Variants in STX3 observed in about 807,000 individuals in gnomAD.
STX3 encodes syntaxin-3.
In STX3, 19 loss-of-function variants were observed where a neutral mutation model predicts 40.2. That is an observed-to-expected ratio of 0.47 (90% confidence interval 0.33 to 0.69). The LOEUF is 0.69. Among genes scored for constraint, STX3 ranks in the 30% least tolerant of loss-of-function variants. The pLI, the probability that STX3 is intolerant of heterozygous loss-of-function variation, is 0.02. For synonymous variants in STX3, 122 were observed against 132.2 expected (o/e 0.92, Z 0.53); for missense variants, 364 against 366.7 (o/e 0.99, Z 0.06).
At chr11:59,780,650 T>C (rs1486249827) in intron 2 of STX3, among the ~76,000 whole-genome samples, 1 of 152,166 alleles carries the variant, frequency 6.6e-6, no homozygotes, top group Non-Finnish European at 1.5e-5. Context: ...AACTCCACCA[T>C]GGTCTGGTCC....
At chr11:59,782,570 T>C (rs1864464281) in intron 2 of STX3, among the ~76,000 whole-genome samples, 2 of 152,182 alleles carry the variant, frequency 1.3e-5, no homozygotes, top group Admixed American at 6.5e-5. Flanking sequence ...TTAGGGACAC[T>C]TACAGGGTGC....
chr11:59,771,300 C>T (rs113586582), intron 1 of STX3, among the ~76,000 whole-genome samples: 13,593 of 148,776 alleles, frequency 0.091, 786 homozygotes, highest in African/African-American at 0.16. Flanking sequence ...ATCACTTAGG[C>T]CCAGGAGGTT....
chr11:59,777,077 C>T (rs60094706), intron 2 of STX3, among the ~76,000 whole-genome samples: 15,792 of 152,178 alleles, frequency 0.1, 1,148 homozygotes, highest in African/African-American at 0.2. Context: ...ACAGGATTCT[C>T]GCCCCCTGTT....
At chr11:59,782,630 G>A (rs987803689) in intron 2 of STX3, among the ~76,000 whole-genome samples, 3 of 152,062 alleles carry the variant, frequency 2.0e-5, no homozygotes, top group Admixed American at 1.3e-4. Flanking sequence ...ACTGGAACCT[G>A]GTCTGTTTGA....
rs995875794 is a variant in STX3, at chr11:59,801,615, G to A, written c.*791G>A. ...ATTGTTAGAAAGTGATGCTTTGTGA[G>A]ACTATTGTCTTGGGGCCAAAAATAA... On this transcript the variant is annotated 3_prime_UTR_variant, in exon 11 of 11. Transcript: ENST00000337979. 3 of 985,436 alleles carry A rather than the reference G, an allele frequency of 3.0e-6. No individual in the cohort carries two copies. In the African/African-American group the frequency reaches 5.2e-5, roughly 17 times the overall value. 61.0% of individuals were successfully genotyped at this position (985,436 alleles called of 1,614,324 possible).
intron 9 of STX3, among the ~76,000 whole-genome samples, chr11:59,796,933 A>G (rs1478849320): frequency 2.6e-5 from 4 of 152,154 alleles, no homozygotes; most frequent in African/African-American, 9.7e-5. Flanking sequence ...GAACATGGGA[A>G]GATCCTGTCT....
chr11:59,779,866 G>T (rs933573058), intron 2 of STX3, among the ~76,000 whole-genome samples: 1 of 152,170 alleles, frequency 6.6e-6, no homozygotes, highest in African/African-American at 2.4e-5. Flanking sequence ...ATTTTTGTTA[G>T]AACTAAGAAC....
intron 1 of STX3, among the ~76,000 whole-genome samples, chr11:59,757,701 G>A (rs1487455591): frequency 6.6e-6 from 1 of 152,180 alleles, no homozygotes; most frequent in Non-Finnish European, 1.5e-5. Context: ...GGGACAAAGG[G>A]ACACAGGTGG....
At chr11:59,797,243 T>C in intron 9 of STX3, 40 bp from the exon 10 acceptor site, 1 of 1,546,990 alleles carries the variant, frequency 6.5e-7, no homozygotes, top group Non-Finnish European at 8.9e-7. Context: ...TTTTGGTTGT[T>C]TGTAATAATG....
chr11:59,756,779 A>G (rs528101647), intron 1 of STX3, among the ~76,000 whole-genome samples: 36 of 152,230 alleles, frequency 2.4e-4, no homozygotes, highest in Non-Finnish European at 4.9e-4. Flanking sequence ...GTCGAAATGC[A>G]ACAGAAGATG....
At position 59,805,119 on chromosome 11, in the gene STX3, G is replaced by A. The variant is rs951370558; in HGVS notation, c.*4295G>A. The stretch of plus-strand genomic sequence containing the variant: ...TTGAATGCAAGAGGCGGAAGTTGCA[G>A]TGAGCCGAGATCGCGCCACTGCACT... On this transcript the variant is annotated 3_prime_UTR_variant, in exon 11 of 11. Coordinates refer to ENST00000337979, the MANE Select transcript of STX3 (RefSeq NM_004177.5). 1 of 150,780 alleles carries A rather than the reference G, an allele frequency of 6.6e-6. No individual in the cohort carries two copies. The highest frequency in any genetic ancestry group is 1.5e-5 in the Non-Finnish European group (1 of 67,840). 9.3% of individuals were successfully genotyped at this position (150,780 alleles called of 1,614,324 possible).
intron 2 of STX3, among the ~76,000 whole-genome samples, chr11:59,783,439 G>T (rs1864547668): frequency 6.6e-6 from 1 of 152,196 alleles, no homozygotes; most frequent in South Asian, 2.1e-4. Flanking sequence ...GTATAAAAAG[G>T]AGATGATGAT....
At chr11:59,763,744 G>A (rs1308111720) in intron 1 of STX3, among the ~76,000 whole-genome samples, 4 of 152,192 alleles carry the variant, frequency 2.6e-5, no homozygotes, top group Non-Finnish European at 1.5e-5. Flanking sequence ...TCGGCCGGGC[G>A]CGGTGGCTCA....
chr11:59,793,650 C>T (rs1434811027), intron 8 of STX3, 136 bp downstream of exon 8: 71 of 1,245,406 alleles, frequency 5.7e-5, no homozygotes, highest in Non-Finnish European at 7.7e-5. Context: ...AAAGGAGAAA[C>T]AGAATCCCAT....
At chr11:59,763,111 A>G (rs1442978442) in intron 1 of STX3, among the ~76,000 whole-genome samples, 2 of 152,228 alleles carry the variant, frequency 1.3e-5, no homozygotes, top group East Asian at 1.9e-4. Flanking sequence ...TAGATGTGCA[A>G]TAAATACTGC....
Position 59,793,125 on chromosome 11 carries a change from C to T in STX3, c.493C>T (p.Leu165=). The change falls in exon 7 of 11, where the codon CTG becomes TTG. Residue 165 remains leucine (L), a synonymous_variant. Coordinates refer to ENST00000337979, the MANE Select transcript of STX3 (RefSeq NM_004177.5). ...TGGCAAAAAGACAACCGATGAGGAGCTGGAGGAGATGTTGGAGAGTGGCAA... is the reference window on the plus strand; with the variant it reads ...TGGCAAAAAGACAACCGATGAGGAGTTGGAGGAGATGTTGGAGAGTGGCAA... ...ITGKKTTDEE[L]EEMLESGNPA... is the part of the protein sequence containing the mutation. 6.2e-7 allele frequency: 1 copy of T among 1,613,596 alleles called. No homozygotes were observed. The highest frequency in any genetic ancestry group is 8.5e-7 in the Non-Finnish European group (1 of 1,179,970).
intron 1 of STX3, among the ~76,000 whole-genome samples, chr11:59,770,542 C>G (rs1408091337): frequency 6.6e-6 from 1 of 151,950 alleles, no homozygotes; most frequent in East Asian, 1.9e-4. Context: ...TCACAGTGAA[C>G]CTCTTGGGAG....
In STX3 at chr11:59,802,699, T is replaced by C; in HGVS notation, c.*1875T>C. ...AAAAATAAAAATGACTTTGTATTGATTGTGAAACGGTTCTGGCTCTGTCTC... is the reference window on the plus strand; with the variant it reads ...AAAAATAAAAATGACTTTGTATTGACTGTGAAACGGTTCTGGCTCTGTCTC... On this transcript the variant is annotated 3_prime_UTR_variant, in exon 11 of 11. Coordinates refer to ENST00000337979, the MANE Select transcript of STX3 (RefSeq NM_004177.5). 1.0e-6 allele frequency: 1 copy of C among 985,898 alleles called. No homozygotes were observed. The highest frequency in any genetic ancestry group is 1.2e-6 in the Non-Finnish European group (1 of 829,932). 61.1% of individuals were successfully genotyped at this position (985,898 alleles called of 1,614,324 possible). A position where few individuals can be genotyped will look rare whatever the true frequency, so the allele number is the denominator to read the frequency against.
intron 2 of STX3, among the ~76,000 whole-genome samples, chr11:59,776,155 G>A (rs1386337987): frequency 6.6e-6 from 1 of 152,142 alleles, no homozygotes; most frequent in African/African-American, 2.4e-5. Flanking sequence ...TTGGGGGAGT[G>A]GGGAGAAGTA....
Sources: allele counts gnomAD v4.1 joint callset (sites outside exome capture counted in the v4.1 genomes callset), GRCh38; gene constraint gnomAD v4.1.1; transcripts MANE v1.5; gene names NCBI Gene and HGNC (gene_info 2026-07-23, HGNC 2026-07-21).